Variants in CLCN5 observed in about 807,000 individuals in gnomAD.
The protein encoded by CLCN5 is Cl-/H+ antiporter 5, also known as H(+)/Cl(-) exchange transporter 5.
CLCN5 carries 17 observed loss-of-function variants against 54.0 expected under a neutral mutation model. The observed-to-expected ratio is 0.31, with a 90% CI of 0.22 to 0.47. The LOEUF is 0.47. Ranked by LOEUF, CLCN5 falls within the 20% of genes least tolerant of loss-of-function variation. The pLI is 1.00. For missense variants in CLCN5, 448 were observed against 646.7 expected, an observed-to-expected ratio of 0.69 and a Z score of 3.33; for synonymous variants, 222 against 233.0, an observed-to-expected ratio of 0.95 and a Z score of 0.43.
intron 3 of CLCN5, among the ~76,000 whole-genome samples, chrX:49,999,919 T>C (rs1929717528): frequency 9.0e-6 from 1 of 111,620 alleles, no homozygotes; most frequent in South Asian, 3.8e-4. Context: ...GTAAAAATAG[T>C]ATGAAATTTA....
Position 50,009,931 on chromosome X carries a change from G to A in CLCN5, c.17-32385G>A, listed in dbSNP as rs58844972. ...TAATATGTATTGGGCACCATGATGG[G>A]CATTGGACACAGAGAAATGAACAAG... On this transcript the variant is annotated intron_variant, in intron 3 of 14. Coordinates refer to ENST00000376091, the MANE Select transcript of CLCN5 (RefSeq NM_001127898.4). 3.3e-3 allele frequency: 930 copies of A among 279,412 alleles called. 13 individuals carry two copies. The highest frequency in any genetic ancestry group is 0.025 in the African/African-American group (885 of 35,587). The allele number at this position is 279,412 out of a possible 1,213,427, so 23.0% of individuals were successfully genotyped here.
chrX:49,938,321 A>T (rs1238174082), intron 3 of CLCN5, among the ~76,000 whole-genome samples: 7 of 111,866 alleles, frequency 6.3e-5, no homozygotes, highest in Non-Finnish European at 1.1e-4. Flanking sequence ...AAAAGAGCCC[A>T]CATTGCCAAG....
At chrX:50,009,720 C>G (rs782427325) in intron 3 of CLCN5, 1 of 385,107 alleles carries the variant, frequency 2.6e-6, no homozygotes, top group South Asian at 2.4e-5. Context: ...GTCTTCTGCT[C>G]TGCTCTTCCT....
intron 4 of CLCN5, among the ~76,000 whole-genome samples, chrX:50,053,636 T>C (rs966036902): frequency 9.0e-6 from 1 of 111,697 alleles, no homozygotes; most frequent in Non-Finnish European, 1.9e-5. Context: ...TCCTAATATA[T>C]ACATTTAAGC....
intron 3 of CLCN5, among the ~76,000 whole-genome samples, chrX:50,026,700 A>C (rs1470484437): frequency 3.6e-5 from 4 of 111,588 alleles, no homozygotes; most frequent in Non-Finnish European, 7.5e-5. Flanking sequence ...ATTTGTTTTG[A>C]CTAGTAGTAG....
chrX:50,032,060 T>G (rs1557185929), intron 3 of CLCN5, among the ~76,000 whole-genome samples: 4 of 110,376 alleles, frequency 3.6e-5, no homozygotes, highest in Non-Finnish European at 7.6e-5. Flanking sequence ...CATCATTTTT[T>G]ATGGCTGCAT....
chrX:50,025,720 C>T (rs1229014391), intron 3 of CLCN5, among the ~76,000 whole-genome samples: 12 of 110,657 alleles, frequency 1.1e-4, no homozygotes, highest in Non-Finnish European at 1.9e-4. Flanking sequence ...TCTGTCATCC[C>T]GTTTCCTTTT....
At chrX:49,955,849 A>C (rs1927289333) in intron 3 of CLCN5, among the ~76,000 whole-genome samples, 1 of 111,856 alleles carries the variant, frequency 8.9e-6, no homozygotes. Flanking sequence ...ATGTTTCATC[A>C]GTTGATGGGG....
chrX:49,960,376 C>A (rs1184018304), intron 3 of CLCN5, among the ~76,000 whole-genome samples: 2 of 110,766 alleles, frequency 1.8e-5, no homozygotes, highest in Non-Finnish European at 3.8e-5. Context: ...GGATCCTCAA[C>A]GGCTGTTCAC....
At chrX:49,939,597 T>C (rs1557170363) in intron 3 of CLCN5, among the ~76,000 whole-genome samples, 1 of 109,876 alleles carries the variant, frequency 9.1e-6, no homozygotes, top group Non-Finnish European at 1.9e-5. Flanking sequence ...ATGAGAACAC[T>C]TGGACGCAGG....
chrX:50,049,829 A>G (rs1471672192), intron 4 of CLCN5, among the ~76,000 whole-genome samples: 4 of 111,960 alleles, frequency 3.6e-5, no homozygotes, highest in Non-Finnish European at 7.5e-5. Context: ...CTGCCTTAAC[A>G]AGTCCCCTGT....
chrX:50,051,476 TC>T (rs1932585442), intron 4 of CLCN5, among the ~76,000 whole-genome samples: 1 of 112,226 alleles, frequency 8.9e-6, no homozygotes, highest in African/African-American at 3.2e-5. Flanking sequence ...CTGTTCAGCT[TC>T]AACATTGTGT....
rs1356792132 is a variant in CLCN5, at chrX:50,096,355, A to T, written c.*4136A>T. ...TGAGGAGTCGTCTTGCTCTATCACC[A>T]GGTGGGAGTGCAGTGGCACAATCTC... On this transcript the variant is annotated 3_prime_UTR_variant, in exon 15 of 15. Transcript: ENST00000376091. 2.7e-5 allele frequency: 3 copies of T among 111,442 alleles called. No individual in the cohort carries two copies. The highest frequency in any genetic ancestry group is 9.6e-5 in the Admixed American group (1 of 10,459). The allele number at this position is 111,442 out of a possible 1,213,427, so 9.2% of individuals were successfully genotyped here. A position where few individuals can be genotyped will look rare whatever the true frequency, so the allele number is the denominator to read the frequency against.
At position 49,955,892 on chromosome X, in the gene CLCN5, A is replaced by G. The variant is rs915157619; in HGVS notation, c.16+30578A>G. Among the ~76,000 whole-genome samples, 3 of 111,885 alleles carry G rather than the reference A, an allele frequency of 2.7e-5. No individual in the cohort carries two copies. In the Admixed American group the frequency reaches 2.8e-4, roughly 11 times the overall value. ...TTGGAATAGTAAAGAGTACACAGATACTTTTGTGATTTGGTTATGATGAGA... is the reference window on the plus strand; with the variant it reads ...TTGGAATAGTAAAGAGTACACAGATGCTTTTGTGATTTGGTTATGATGAGA... On this transcript the variant is annotated intron_variant, in intron 3 of 14. Transcript: ENST00000376091.
chrX:50,080,320 G>T (rs1933637197), intron 7 of CLCN5, among the ~76,000 whole-genome samples: 1 of 111,463 alleles, frequency 9.0e-6, no homozygotes, highest in Non-Finnish European at 1.9e-5. Context: ...AGAGAATTTT[G>T]TTTCATGGTT....
chrX:50,083,964 TC>T (rs2147588530), intron 9 of CLCN5, among the ~76,000 whole-genome samples: 1 of 112,247 alleles, frequency 8.9e-6, no homozygotes, highest in South Asian at 3.8e-4. Context: ...AGAGGGGAAT[TC>T]GATTTGGCTG....
Position 50,081,772 on chromosome X carries a change from C to T in CLCN5, c.858C>T (p.His286=), listed in dbSNP as rs1244133712. 6 of 1,209,607 alleles carry T rather than the reference C, an allele frequency of 5.0e-6. No individual in the cohort carries two copies. The South Asian group carries it at 5.3e-5, about 11-fold the overall frequency. ...TGGGCAAAGAGGGCCCTCTAGTGCA[C>T]GTGGCTTGCTGCTGTGGGAACATCC... ...LSLGKEGPLV[H]VACCCGNILC... is the part of the protein sequence containing the mutation. Residue 286 remains histidine, a synonymous_variant, in exon 9 of 15, where the codon CAC becomes CAT. Coordinates refer to ENST00000376091, the MANE Select transcript of CLCN5 (RefSeq NM_001127898.4).
intron 3 of CLCN5, among the ~76,000 whole-genome samples, chrX:49,941,836 G>C (rs192749507): frequency 9.3e-6 from 1 of 106,958 alleles, no homozygotes; most frequent in African/African-American, 3.4e-5. Flanking sequence ...CATTACTCCA[G>C]TCTCTACCAC....
At chrX:49,943,595 G>A (rs1223955476) in intron 3 of CLCN5, among the ~76,000 whole-genome samples, 1 of 108,245 alleles carries the variant, frequency 9.2e-6, no homozygotes, top group Non-Finnish European at 1.9e-5. Context: ...TGTAAGGAAG[G>A]GATCCAGTTT....
Sources: gnomAD v4.1 joint callset for allele counts (sites outside exome capture counted in the v4.1 genomes callset) on GRCh38, gnomAD v4.1.1 for gene constraint, MANE v1.5 for transcripts, NCBI Gene and HGNC (gene_info 2026-07-23, HGNC 2026-07-21) for gene names.